Variants in HEATR4 observed in about 807,000 individuals in gnomAD.
HEATR4 encodes the protein HEAT repeat containing 4.
HEATR4 carries 95 observed loss-of-function variants against 108.8 expected under a neutral mutation model. That is an observed-to-expected ratio of 0.87 (90% CI 0.74 to 1.04). The LOEUF is 1.04. HEATR4 is among the 50% of genes least tolerant of loss of function. The pLI is 0.00. For synonymous variants in HEATR4, 443 were observed against 459.4 expected (o/e 0.96, Z 0.46); for missense variants, 1,152 against 1,253.8 (o/e 0.92, Z 1.23).
chr14:73,587,039 TTC>T, the HEATR4 span, among the ~76,000 whole-genome samples: 1 of 152,136 alleles, frequency 6.6e-6, no homozygotes, highest in Non-Finnish European at 1.5e-5. Flanking sequence ...GTTTGTATTT[TTC>T]TCTTAGTTTT....
At chr14:73,509,204 T>C in intron 8 of HEATR4, 108 bp downstream of exon 8, 1 of 1,093,686 alleles carries the variant, frequency 9.1e-7, no homozygotes, top group Non-Finnish European at 1.4e-6. Flanking sequence ...CTAAACCCAA[T>C]ACAGCAGACA....
intron 17 of HEATR4, 51 bp downstream of exon 17, chr14:73,493,015 T>TTTC (rs1555388541): frequency 1.3e-6 from 2 of 1,572,460 alleles, no homozygotes; most frequent in African/African-American, 1.4e-5. Context: ...TTTTTTTTTT[T>TTTC]CCTTAAACTC....
chr14:73,559,845 A>C (rs1889486580), upstream of HEATR4, among the ~76,000 whole-genome samples: 1 of 152,132 alleles, frequency 6.6e-6, no homozygotes, highest in African/African-American at 2.4e-5. Flanking sequence ...GGAACACATG[A>C]CCACATAGTT....
At chr14:73,594,753 C>T in the HEATR4 span, among the ~76,000 whole-genome samples, 50,946 of 151,882 alleles carry the variant, frequency 0.34, 9,940 homozygotes, top group East Asian at 0.64. Context: ...CAAGCTGGAG[C>T]GCAGTGGCGC....
intron 17 of HEATR4, among the ~76,000 whole-genome samples, chr14:73,481,371 A>G (rs181554914): frequency 0.048 from 7,345 of 152,052 alleles, 611 homozygotes; most frequent in African/African-American, 0.17. Context: ...CCCGGGAGTG[A>G]GATATTGCAG....
chr14:73,612,538 G>A, the HEATR4 span: 3 of 1,242,720 alleles, frequency 2.4e-6, no homozygotes, highest in East Asian at 3.1e-5. Flanking sequence ...CTGACTCCGC[G>A]GAGCTGGGTC....
chr14:73,491,627 C>A (rs907783917), intron 17 of HEATR4: 3 of 1,549,274 alleles, frequency 1.9e-6, no homozygotes, highest in Non-Finnish European at 2.6e-6. Context: ...GCGAGCGGCC[C>A]GCCTCTTTGA....
intron 1 of HEATR4, among the ~76,000 whole-genome samples, chr14:73,551,088 T>C (rs34036430): frequency 0.34 from 36,319 of 108,078 alleles, 13,893 homozygotes; most frequent in Admixed American, 0.48. Flanking sequence ...CACTTGAACC[T>C]GGGAGGCACA....
chr14:73,482,108 G>A (rs1264089564), intron 17 of HEATR4, among the ~76,000 whole-genome samples: 1 of 152,144 alleles, frequency 6.6e-6, no homozygotes. Flanking sequence ...AGCACAGGCC[G>A]GGCACACTGG....
intron 17 of HEATR4, among the ~76,000 whole-genome samples, chr14:73,484,124 TG>T (rs1885352923): frequency 6.6e-6 from 1 of 152,048 alleles, no homozygotes; most frequent in Non-Finnish European, 1.5e-5. Context: ...CCCAAAGTGC[TG>T]GGATTGCAGG....
rs139879719 is a variant in HEATR4 at position 73,505,890 on chromosome 14, C to CTTT, written c.1986+574_1986+576dup. Among the ~76,000 whole-genome samples the CTTT allele has an allele frequency of 7.6e-4, 86 of 113,330 alleles. 2 individuals carry two copies. Among genetic ancestry groups the CTTT allele is most frequent in the Non-Finnish European group, 1.2e-3 (69 of 56,684 alleles). The allele number at this position is 113,330 out of a possible 152,430, so 74.3% of individuals were successfully genotyped here. A position where few individuals can be genotyped will look rare whatever the true frequency, so the allele number is the denominator to read the frequency against. ...CAATATCAAATTACTATAAACGTTT[C>CTTT]TTTTTTTTTTTTTTTTTTGAGATGG... On this transcript the variant is annotated intron_variant, in intron 10 of 17. Coordinates refer to ENST00000553558, the MANE Select transcript of HEATR4 (RefSeq NM_001220484.1).
chr14:73,502,213 C>T (rs1886516090), intron 11 of HEATR4, among the ~76,000 whole-genome samples: 1 of 152,026 alleles, frequency 6.6e-6, no homozygotes, highest in Admixed American at 6.6e-5. Context: ...GTCTTATCCA[C>T]CCTCTGTGAA....
chr14:73,513,937 G>T, intron 6 of HEATR4, 94 bp downstream of exon 6: 1 of 1,276,484 alleles, frequency 7.8e-7, no homozygotes. Flanking sequence ...TTTCACAAAG[G>T]AGGGATGGAT....
chr14:73,517,710 A>AGG (rs1235118946), intron 5 of HEATR4, among the ~76,000 whole-genome samples: 102 of 140,582 alleles, frequency 7.3e-4, no homozygotes, highest in Non-Finnish European at 1.3e-3. Flanking sequence ...AGGGAAGGGG[A>AGG]GGGGAAGGGG....
At chr14:73,593,757 G>A in the HEATR4 span, 2 of 1,613,852 alleles carry the variant, frequency 1.2e-6, no homozygotes. Flanking sequence ...GGGGCCTCTT[G>A]GAATATCGAG....
intron 15 of HEATR4, among the ~76,000 whole-genome samples, chr14:73,495,814 A>G (rs1334246056): frequency 6.6e-6 from 1 of 152,056 alleles, no homozygotes; most frequent in African/African-American, 2.4e-5. Context: ...CCTTCATCTT[A>G]TCTAACAGCT....
chr14:73,595,580 G>A, the HEATR4 span: 2,596 of 1,576,962 alleles, frequency 1.6e-3, 4 homozygotes, highest in Non-Finnish European at 2.0e-3. Context: ...CCAGGAAGAT[G>A]CCTGGAAGCA....
chr14:73,491,027 C>G, intron 17 of HEATR4: 1 of 1,546,124 alleles, frequency 6.5e-7, no homozygotes, highest in Non-Finnish European at 8.7e-7. Flanking sequence ...CATGGATGGG[C>G]TCCAGGCCAG....
chr14:73,619,506 G>A, the HEATR4 span: 4 of 1,614,216 alleles, frequency 2.5e-6, no homozygotes, highest in South Asian at 1.1e-5. Context: ...TTGTTCCATT[G>A]GAAAAGGCGC....
Sources: allele counts gnomAD v4.1 joint callset (sites outside exome capture counted in the v4.1 genomes callset), GRCh38; gene constraint gnomAD v4.1.1; transcripts MANE v1.5; gene names NCBI Gene and HGNC (gene_info 2026-07-23, HGNC 2026-07-21).